The following CNTNAP2 variants were observed in gnomAD, a reference collection of about 807,000 sequenced individuals.
CNTNAP2 encodes contactin-associated protein-like 2.
A neutral mutation model predicts 155.2 loss-of-function variants in CNTNAP2; 98 were observed. The observed-to-expected ratio is 0.63, with a 90% CI of 0.54 to 0.75. CNTNAP2 has a LOEUF of 0.75. Among genes scored for constraint, CNTNAP2 ranks in the 30% least tolerant of loss-of-function variants. CNTNAP2 has a pLI of 0.00. For synonymous variants in CNTNAP2, 651 were observed against 631.2 expected, an observed-to-expected ratio of 1.03 and a Z score of -0.47; for missense variants, 1,727 against 1,688.1, an observed-to-expected ratio of 1.02 and a Z score of -0.40.
chr7:148,287,688 G>T (rs529920566), intron 21 of CNTNAP2, among the ~76,000 whole-genome samples: 1 of 152,234 alleles, frequency 6.6e-6, no homozygotes, highest in East Asian at 1.9e-4. Context: ...GCCACTTCTG[G>T]TGAGGACTTT....
intron 1 of CNTNAP2, among the ~76,000 whole-genome samples, chr7:146,740,471 C>A (rs951643084): frequency 6.6e-6 from 1 of 152,104 alleles, no homozygotes; most frequent in Non-Finnish European, 1.5e-5. Context: ...TCACTGGCAC[C>A]TTAAAATATC....
intron 12 of CNTNAP2, among the ~76,000 whole-genome samples, chr7:147,569,285 G>T (rs116839887): frequency 1.3e-5 from 2 of 152,148 alleles, no homozygotes; most frequent in Admixed American, 1.3e-4. Flanking sequence ...AGTACAGTGT[G>T]GGCAGGAGGA....
intron 1 of CNTNAP2, among the ~76,000 whole-genome samples, chr7:146,222,402 C>A (rs1215478828): frequency 1.3e-5 from 2 of 152,128 alleles, no homozygotes; most frequent in African/African-American, 2.4e-5. Context: ...AAAATTTGAA[C>A]ACTTAAGAGA....
chr7:148,046,081 C>A (rs1369099991), intron 15 of CNTNAP2, among the ~76,000 whole-genome samples: 1 of 151,974 alleles, frequency 6.6e-6, no homozygotes, highest in Non-Finnish European at 1.5e-5. Flanking sequence ...AATATAGCAC[C>A]AGTTTTTGTT....
intron 14 of CNTNAP2, among the ~76,000 whole-genome samples, chr7:147,924,158 A>ATG (rs1800340204): frequency 5.6e-5 from 1 of 17,882 alleles, no homozygotes; most frequent in Non-Finnish European, 1.1e-4. Flanking sequence ...TTTTTTTTTG[A>ATG]GACAGAGTTT....
intron 15 of CNTNAP2, among the ~76,000 whole-genome samples, chr7:147,979,032 T>C (rs1489229889): frequency 6.6e-6 from 1 of 152,190 alleles, no homozygotes; most frequent in Non-Finnish European, 1.5e-5. Flanking sequence ...TTAGACCTAC[T>C]TGATAATAAA....
chr7:148,013,577 T>G (rs556319396), intron 15 of CNTNAP2, among the ~76,000 whole-genome samples: 1 of 152,330 alleles, frequency 6.6e-6, no homozygotes, highest in South Asian at 2.1e-4. Context: ...TAAGTGGACT[T>G]CCTCTTGTGT....
At chr7:146,805,196 A>T (rs1225016836) in intron 2 of CNTNAP2, among the ~76,000 whole-genome samples, 1 of 152,160 alleles carries the variant, frequency 6.6e-6, no homozygotes, top group Non-Finnish European at 1.5e-5. Flanking sequence ...GAGAGACCAT[A>T]TGGCCACTGA....
chr7:148,160,238 TCAAAAGAAAG>T (rs990097430), intron 17 of CNTNAP2, among the ~76,000 whole-genome samples: 9 of 151,076 alleles, frequency 6.0e-5, no homozygotes, highest in African/African-American at 2.0e-4. Context: ...AGACCCTGTC[TCAAAAGAAAG>T]AGAAAATGAC....
Position 148,098,678 on chromosome 7 carries a change from A to T in CNTNAP2, c.2384-19440A>T, listed in dbSNP as rs181722854. On this transcript the variant is annotated intron_variant, in intron 15 of 23. Coordinates refer to ENST00000361727, the MANE Select transcript of CNTNAP2 (RefSeq NM_014141.6). ...AGATAGACCCCATCTCTTTAAAAAA[A>T]TTTTTTAAATTTTCATTAAAATAAA... 4.5e-3 allele frequency among the ~76,000 whole-genome samples: 683 copies of T among 152,100 alleles called. 3 individuals carry two copies. The highest frequency in any genetic ancestry group is 0.016 in the African/African-American group (660 of 41,488).
At chr7:146,245,840 G>A (rs1243852829) in intron 1 of CNTNAP2, among the ~76,000 whole-genome samples, 2 of 150,140 alleles carry the variant, frequency 1.3e-5, no homozygotes, top group Non-Finnish European at 2.9e-5. Context: ...GATGACGGGT[G>A]CAAAGGAATA....
chr7:147,720,859 G>A (rs76634187), intron 13 of CNTNAP2, among the ~76,000 whole-genome samples: 2,321 of 152,094 alleles, frequency 0.015, 62 homozygotes, highest in African/African-American at 0.054. Context: ...ATGAAAAAAA[G>A]ACTAATACCC....
intron 1 of CNTNAP2, among the ~76,000 whole-genome samples, chr7:146,607,173 CAGTGAT>C (rs1799062279): frequency 1.3e-5 from 2 of 152,108 alleles, no homozygotes; most frequent in African/African-American, 4.8e-5. Flanking sequence ...TATGTAGAAA[CAGTGAT>C]AGTCTGTCAA....
At chr7:147,614,216 A>C (rs1801241444) in intron 12 of CNTNAP2, among the ~76,000 whole-genome samples, 1 of 152,156 alleles carries the variant, frequency 6.6e-6, no homozygotes, top group South Asian at 2.1e-4. Context: ...CTTAAATACA[A>C]ATTTTTTCCA....
At chr7:148,050,976 G>A (rs560214657) in intron 15 of CNTNAP2, among the ~76,000 whole-genome samples, 10 of 152,156 alleles carry the variant, frequency 6.6e-5, no homozygotes, top group African/African-American at 2.4e-4. Flanking sequence ...TGTGATGTTT[G>A]CATGACAACA....
chr7:146,121,513 T>C (rs62504786), intron 1 of CNTNAP2, among the ~76,000 whole-genome samples: 64,912 of 152,026 alleles, frequency 0.43, 15,903 homozygotes, highest in East Asian at 0.63. Flanking sequence ...TGTTTAGTGA[T>C]TGATGTCAGT....
intron 1 of CNTNAP2, among the ~76,000 whole-genome samples, chr7:146,172,232 C>A (rs1366193911): frequency 2.0e-5 from 3 of 151,910 alleles, no homozygotes; most frequent in African/African-American, 7.3e-5. Flanking sequence ...GGATAGGATG[C>A]CTCCCAGGAA....
chr7:148,152,409 C>T (rs529418523), intron 17 of CNTNAP2, among the ~76,000 whole-genome samples: 9 of 151,886 alleles, frequency 5.9e-5, no homozygotes, highest in South Asian at 2.1e-4. Context: ...TTGAGTTCTG[C>T]GTCCCAAGTC....
At chr7:148,087,402 C>G (rs776973086) in intron 15 of CNTNAP2, among the ~76,000 whole-genome samples, 1 of 152,076 alleles carries the variant, frequency 6.6e-6, no homozygotes, top group Admixed American at 6.6e-5. Context: ...TTCATTTACC[C>G]TTCTTTAAAT....
Sources: allele counts gnomAD v4.1 joint callset (sites outside exome capture counted in the v4.1 genomes callset), GRCh38; gene constraint gnomAD v4.1.1; transcripts MANE v1.5; gene names NCBI Gene and HGNC (gene_info 2026-07-23, HGNC 2026-07-21).